ITGA6: variants seen among roughly 807,000 people sequenced by gnomAD.
ITGA6 encodes integrin subunit alpha 6, also known as integrin alpha-6.
Under a neutral mutation model 133.6 loss-of-function variants are expected in ITGA6, and 63 were observed. That is an observed-to-expected ratio of 0.47 (90% confidence interval 0.38 to 0.58). The LOEUF is 0.58. Among genes scored for constraint, ITGA6 ranks in the 20% least tolerant of loss-of-function variants. The pLI is 0.00. For synonymous variants in ITGA6, 434 were observed against 482.0 expected (o/e 0.90, Z 1.30); for missense variants, 1,068 against 1,309.4 (o/e 0.82, Z 2.85).
intron 6 of ITGA6, among the ~76,000 whole-genome samples, 158 bp downstream of exon 6, chr2:172,474,423 GCAGA>G (rs1380686491): frequency 6.6e-6 from 1 of 152,190 alleles, no homozygotes; most frequent in Non-Finnish European, 1.5e-5. Context: ...TATGATGGCA[GCAGA>G]CAGACATTCA....
intron 1 of ITGA6, among the ~76,000 whole-genome samples, chr2:172,444,766 C>G (rs190619773): frequency 7.0e-6 from 1 of 143,106 alleles, no homozygotes; most frequent in African/African-American, 2.6e-5. Flanking sequence ...ATTTCCCCCC[C>G]ACAACCCAGC....
chr2:172,497,249 T>G (rs766213469), intron 23 of ITGA6, among the ~76,000 whole-genome samples: 1 of 152,170 alleles, frequency 6.6e-6, no homozygotes, highest in African/African-American at 2.4e-5. Flanking sequence ...CTCATACTTA[T>G]GATACCCACA....
In ITGA6 at chr2:172,474,318, C is replaced by CTT. The variant is rs1440225211; in HGVS notation, c.986+54_986+55dup. 3.4e-6 allele frequency: 5 copies of CTT among 1,485,974 alleles called. No individual in the cohort carries two copies. The African/African-American group carries it at 6.9e-5, about 21-fold the overall frequency. The allele number at this position is 1,485,974 out of a possible 1,614,324, so 92.0% of individuals were successfully genotyped here. On this transcript the variant is annotated intron_variant, in intron 6 of 25. Transcript: ENST00000684293. ...TGCAAATCATTTCTGCTTTGACTAGCTTCTATACGACTGGAGAAGAGCCGT... is the reference window on the plus strand; with the variant it reads ...TGCAAATCATTTCTGCTTTGACTAGCTTTTCTATACGACTGGAGAAGAGCCGT...
In ITGA6 at chr2:172,501,902, G is replaced by T. The variant is rs1337277178; in HGVS notation, c.*22+1G>T. ...TAGTATTGATCTACTTCTGTAATTG[G>T]TAATTGATCAATGTTTTTTAATTGC... On this transcript the variant is annotated splice_donor_variant, in intron 25 of 25. Transcript: ENST00000684293. LOFTEE classifies it low-confidence loss of function (3UTR_SPLICE). 1 of 1,610,442 alleles carries T rather than the reference G, an allele frequency of 6.2e-7. No homozygotes were observed. Among genetic ancestry groups the T allele is most frequent in the South Asian group, 1.1e-5 (1 of 90,778 alleles).
In ITGA6 at chr2:172,467,517, T is replaced by TG. The variant is rs769273553; in HGVS notation, c.349dup (p.Val117GlyfsTer20). The stretch of plus-strand genomic sequence containing the variant: ...TCAGAAAGCAAGGAAGATCAGTGGA[T>TG]GGGGGTCACCGTCCAGAGCCAAGGT... On this transcript the variant is annotated frameshift_variant, in exon 3 of 26. Coordinates refer to ENST00000684293, the MANE Select transcript of ITGA6 (RefSeq NM_000210.4). LOFTEE classifies it high-confidence loss of function. 1.9e-6 allele frequency: 3 copies of TG among 1,613,740 alleles called. No individual in the cohort carries two copies. Among genetic ancestry groups the TG allele is most frequent in the Non-Finnish European group, 2.5e-6 (3 of 1,179,758 alleles).
Position 172,504,475 on chromosome 2 carries a change from C to T in ITGA6, c.*407C>T. 1 of 396,978 alleles carries T rather than the reference C, an allele frequency of 2.5e-6. No individual in the cohort carries two copies. Among genetic ancestry groups the T allele is most frequent in the Non-Finnish European group, 4.6e-6 (1 of 219,272 alleles). 24.6% of individuals were successfully genotyped at this position (396,978 alleles called of 1,614,324 possible). On this transcript the variant is annotated 3_prime_UTR_variant, in exon 26 of 26. Transcript: ENST00000684293. ...GTTGGAATGGATTTTTCTTTAACTG[C>T]CGTAATTTAACTTTCTGGGTTGCCT...
At chr2:172,444,278 G>T (rs1684660635) in intron 1 of ITGA6, among the ~76,000 whole-genome samples, 1 of 152,182 alleles carries the variant, frequency 6.6e-6, no homozygotes, top group Admixed American at 6.5e-5. Flanking sequence ...CTTTCTGGAG[G>T]TAGTAGCTGC....
At chr2:172,498,519 A>G (rs867405151) in intron 24 of ITGA6, among the ~76,000 whole-genome samples, 19 of 152,228 alleles carry the variant, frequency 1.2e-4, no homozygotes, top group Admixed American at 2.0e-4. Flanking sequence ...GGTGTTGGTT[A>G]TGCTTACAGC....
intron 1 of ITGA6, among the ~76,000 whole-genome samples, chr2:172,450,644 T>C (rs1684947914): frequency 6.6e-6 from 1 of 151,824 alleles, no homozygotes; most frequent in South Asian, 2.1e-4. Flanking sequence ...CCTGGGTAGA[T>C]GGTGTACATT....
At chr2:172,490,875 C>T (rs977473500) in intron 20 of ITGA6, 149 bp from the exon 21 acceptor site, 8 of 651,226 alleles carry the variant, frequency 1.2e-5, no homozygotes, top group Admixed American at 5.2e-5. Context: ...GCTGGTTTTA[C>T]ACTTACTTCT....
At chr2:172,478,644 G>A (rs1029906168) in intron 9 of ITGA6, among the ~76,000 whole-genome samples, 4 of 152,230 alleles carry the variant, frequency 2.6e-5, no homozygotes, top group Non-Finnish European at 5.9e-5. Flanking sequence ...AGAGTAGGGC[G>A]TGGAATTGGA....
rs139934767 is a variant in ITGA6 at position 172,428,266 on chromosome 2, C to T, written c.182+296C>T. ...AGTGCTTTCCGCCGGTTCTTCCCTC[C>T]GGGCGTGTTTGCTGGGACCCCGGCA... is the stretch of plus-strand genomic sequence containing the variant. On this transcript the variant is annotated intron_variant, in intron 1 of 25. Transcript: ENST00000684293. 90 of 169,714 alleles carry T rather than the reference C, an allele frequency of 5.3e-4. 2 individuals carry two copies. In the East Asian group the frequency reaches 0.013, roughly 25 times the overall value. 10.5% of individuals were successfully genotyped at this position (169,714 alleles called of 1,614,324 possible). A position where few individuals can be genotyped will look rare whatever the true frequency, so the allele number is the denominator to read the frequency against.
intron 3 of ITGA6, among the ~76,000 whole-genome samples, chr2:172,468,615 T>C (rs1685783627): frequency 6.6e-6 from 1 of 152,164 alleles, no homozygotes; most frequent in Non-Finnish European, 1.5e-5. Context: ...GAGCTCAGGG[T>C]GTAAGTTAGG....
intron 1 of ITGA6, among the ~76,000 whole-genome samples, chr2:172,460,546 T>C (rs2149029716): frequency 6.6e-6 from 1 of 152,328 alleles, no homozygotes; most frequent in South Asian, 2.1e-4. Context: ...AATACATATA[T>C]AATAATCCAG....
At chr2:172,475,232 C>T (rs903545804) in intron 7 of ITGA6, 110 bp downstream of exon 7, 13 of 790,154 alleles carry the variant, frequency 1.6e-5, no homozygotes, top group Admixed American at 1.2e-4. Flanking sequence ...CTTTGGGAGG[C>T]TGAGGTGGGC....
At chr2:172,499,596 A>G (rs962471804) in intron 24 of ITGA6, among the ~76,000 whole-genome samples, 1 of 152,188 alleles carries the variant, frequency 6.6e-6, no homozygotes, top group African/African-American at 2.4e-5. Context: ...TCCTGGGCTC[A>G]AGCAATCCTC....
intron 1 of ITGA6, among the ~76,000 whole-genome samples, chr2:172,455,658 C>A (rs898261885): frequency 5.3e-5 from 8 of 152,206 alleles, no homozygotes; most frequent in Admixed American, 4.6e-4. Context: ...TGAAGTGATT[C>A]TTTGGGACTG....
In ITGA6 at chr2:172,471,022, T is replaced by C; in HGVS notation, c.692T>C (p.Ile231Thr). ...QKNNTFFDMN[I>T]FEDGPYEVGG... Reference sequence around the variant, plus strand: ...AATAACACTTTTTTTGACATGAACATCTTTGAAGATGGGCCTTATGAAGTT... The same window carrying C: ...AATAACACTTTTTTTGACATGAACACCTTTGAAGATGGGCCTTATGAAGTT... Residue 231 changes from isoleucine (I) to threonine (T), a missense_variant, in exon 5 of 26, where the codon ATC (isoleucine) becomes ACC (threonine). This residue lies in a region of ITGA6 where 317 missense variants were observed against 456.9 expected (regional missense o/e 0.69). Transcript: ENST00000684293. The C allele has an allele frequency of 1.2e-6, 2 of 1,614,150 alleles. No homozygotes were observed. The highest frequency in any genetic ancestry group is 1.1e-5 in the South Asian group (1 of 91,084).
intron 7 of ITGA6, 129 bp downstream of exon 7, chr2:172,475,251 T>C: frequency 1.4e-6 from 1 of 714,920 alleles, no homozygotes; most frequent in Non-Finnish European, 2.5e-6. Flanking sequence ...GCGGATCACC[T>C]GAGGTCGGGA....
Sources: gnomAD v4.1 joint callset for allele counts (sites outside exome capture counted in the v4.1 genomes callset) on GRCh38, gnomAD v4.1.1 for gene constraint, gnomAD v4.1.1 regional missense constraint, MANE v1.5 for transcripts, NCBI Gene and HGNC (gene_info 2026-07-23, HGNC 2026-07-21) for gene names.